Variants in SLC24A2 observed in about 807,000 individuals in gnomAD.
The protein encoded by SLC24A2 is sodium/potassium/calcium exchanger 2.
SLC24A2 carries 36 observed loss-of-function variants against 62.0 expected under a neutral mutation model. That is an observed-to-expected ratio of 0.58 (90% CI 0.44 to 0.77). The LOEUF (loss-of-function observed/expected upper bound fraction) is 0.77, where lower values mean the gene tolerates loss of function less well. SLC24A2 is among the 30% of genes least tolerant of loss of function. SLC24A2 has a pLI of 0.00. For missense variants in SLC24A2, 846 were observed against 817.9 expected (o/e 1.03, Z -0.42); for synonymous variants, 358 against 294.0 (o/e 1.22, Z -2.23).
the SLC24A2 span, among the ~76,000 whole-genome samples, chr9:20,007,938 C>G: frequency 8.3e-6 from 1 of 120,904 alleles, no homozygotes; most frequent in Non-Finnish European, 1.6e-5. Context: ...CTCTGTTGCC[C>G]AGGCTGGAGT....
chr9:19,650,016 A>T (rs1422862179), intron 2 of SLC24A2, among the ~76,000 whole-genome samples: 1 of 152,242 alleles, frequency 6.6e-6, no homozygotes, highest in Non-Finnish European at 1.5e-5. Flanking sequence ...GCGGGGTACA[A>T]CTGGTGACAT....
the SLC24A2 span, among the ~76,000 whole-genome samples, chr9:19,874,996 CA>C: frequency 0.11 from 10,984 of 96,704 alleles, 555 homozygotes; most frequent in African/African-American, 0.28. Context: ...TCCAGAATTA[CA>C]AAAAAAAAAA....
the SLC24A2 span, among the ~76,000 whole-genome samples, chr9:20,019,135 A>AAGAGAGAG: frequency 7.7e-6 from 1 of 129,336 alleles, no homozygotes; most frequent in Non-Finnish European, 1.6e-5. Flanking sequence ...GAAAGAAAGA[A>AAGAGAGAG]AGAAAGAAAG....
chr9:19,840,327 G>C, the SLC24A2 span, among the ~76,000 whole-genome samples: 2 of 152,140 alleles, frequency 1.3e-5, no homozygotes, highest in Non-Finnish European at 2.9e-5. Context: ...ACCCAGGCTT[G>C]AACAGCAGTA....
the SLC24A2 span, among the ~76,000 whole-genome samples, chr9:20,078,725 C>G: frequency 1.3e-5 from 2 of 152,090 alleles, no homozygotes; most frequent in Non-Finnish European, 2.9e-5. Flanking sequence ...TTTCAGAGCC[C>G]CCTCTCCAGG....
the SLC24A2 span, among the ~76,000 whole-genome samples, chr9:19,936,122 C>A: frequency 2.0e-5 from 3 of 151,932 alleles, no homozygotes; most frequent in Non-Finnish European, 4.4e-5. Context: ...CATAATAAAC[C>A]TTAGAGCCCA....
At chr9:20,016,498 T>C in the SLC24A2 span, among the ~76,000 whole-genome samples, 1 of 152,218 alleles carries the variant, frequency 6.6e-6, no homozygotes, top group Admixed American at 6.5e-5. Flanking sequence ...CATTCACCCA[T>C]ATCCATTCAC....
the SLC24A2 span, among the ~76,000 whole-genome samples, chr9:19,940,762 A>C: frequency 1.3e-5 from 2 of 152,202 alleles, no homozygotes; most frequent in African/African-American, 4.8e-5. Context: ...TCTGGCCTAC[A>C]ATGCCTGCTC....
At chr9:20,213,869 T>A in the SLC24A2 span, among the ~76,000 whole-genome samples, 1 of 152,196 alleles carries the variant, frequency 6.6e-6, no homozygotes, top group Non-Finnish European at 1.5e-5. Context: ...ACATACAACA[T>A]TGTAAGATAG....
chr9:19,550,032 C>A, intron 8 of SLC24A2, 105 bp downstream of exon 8: 1 of 1,153,084 alleles, frequency 8.7e-7, no homozygotes, highest in Non-Finnish European at 1.3e-6. Flanking sequence ...GATTTTGATA[C>A]AAGTGTACTT....
intron 2 of SLC24A2, among the ~76,000 whole-genome samples, chr9:19,663,957 C>G (rs143897158): frequency 2.6e-5 from 4 of 152,184 alleles, no homozygotes; most frequent in East Asian, 1.9e-4. Flanking sequence ...GGTGGATGGA[C>G]GAAAGCAAAA....
the SLC24A2 span, among the ~76,000 whole-genome samples, chr9:20,262,838 T>C: frequency 6.6e-6 from 1 of 152,222 alleles, no homozygotes; most frequent in East Asian, 1.9e-4. Context: ...CTGAAGTTAG[T>C]ACATTTTTCC....
chr9:19,860,989 C>T, the SLC24A2 span, among the ~76,000 whole-genome samples: 8 of 152,152 alleles, frequency 5.3e-5, no homozygotes, highest in Non-Finnish European at 8.8e-5. Flanking sequence ...CCTCTGGACC[C>T]ACCCAGGGCC....
chr9:20,291,704 G>C, the SLC24A2 span, among the ~76,000 whole-genome samples: 1 of 152,076 alleles, frequency 6.6e-6, no homozygotes, highest in Non-Finnish European at 1.5e-5. Flanking sequence ...AAAATAATTT[G>C]GGGATATATT....
In SLC24A2 at chr9:19,786,403, T is replaced by C; in HGVS notation, c.464A>G (p.Glu155Gly). 1 of 1,614,172 alleles carries C rather than the reference T, an allele frequency of 6.2e-7. No homozygotes were observed. The highest frequency in any genetic ancestry group is 8.5e-7 in the Non-Finnish European group (1 of 1,180,040). The change falls in exon 2 of 11, where the codon GAG (glutamate) becomes GGG (glycine). Residue 155 changes from glutamate (E) to glycine (G), a missense_variant. By Grantham distance (98) the Glu-to-Gly change is moderately conservative. Transcript: ENST00000341998. The surrounding 1 kb of genome is among the most constrained non-coding windows in gnomAD (Gnocchi z 5.0). ...MFIALAIVCD[E>G]FFVPSLTVIT... ...GACAGTCAAAGAAGGAACAAAGAACTCATCACAGACAATGGCTAAGGCTAT... is the reference window on the plus strand; with the variant it reads ...GACAGTCAAAGAAGGAACAAAGAACCCATCACAGACAATGGCTAAGGCTAT...
At chr9:19,772,047 G>A (rs1219185645) in intron 2 of SLC24A2, among the ~76,000 whole-genome samples, 1 of 152,202 alleles carries the variant, frequency 6.6e-6, no homozygotes, top group African/African-American at 2.4e-5. Context: ...TGCTTTGCTG[G>A]TAGGGCTTCT....
the SLC24A2 span, among the ~76,000 whole-genome samples, chr9:20,033,281 C>T: frequency 1.3e-5 from 2 of 152,180 alleles, no homozygotes; most frequent in Non-Finnish European, 2.9e-5. Flanking sequence ...TCAAGCTTCT[C>T]CACTTAATTG....
intron 1 of SLC24A2, 171 bp downstream of exon 1, chr9:19,788,714 G>T: frequency 1.0e-6 from 1 of 985,270 alleles, no homozygotes. Context: ...CCAAATCCAC[G>T]CCCCGGAGCA....
At chr9:19,795,697 C>T in the SLC24A2 span, among the ~76,000 whole-genome samples, 1 of 152,068 alleles carries the variant, frequency 6.6e-6, no homozygotes, top group Non-Finnish European at 1.5e-5. Context: ...ATTTCTTCCT[C>T]TCACAATATT....
Sources: allele counts gnomAD v4.1 joint callset (sites outside exome capture counted in the v4.1 genomes callset), GRCh38; gene constraint gnomAD v4.1.1; non-coding constraint Gnocchi (gnomAD v3.1); transcripts MANE v1.5; gene names NCBI Gene and HGNC (gene_info 2026-07-23, HGNC 2026-07-21).